The following RBFOX1 variants were observed in gnomAD, a reference collection of about 807,000 sequenced individuals.
RBFOX1 encodes RNA binding fox-1 homolog 1.
Under a neutral mutation model 57.7 loss-of-function variants are expected in RBFOX1, and 8 were observed. The ratio of observed to expected loss-of-function variants is 0.14; its 90% confidence interval spans 0.08 to 0.25. The LOEUF is 0.25. Ranked by LOEUF, RBFOX1 falls within the 10% of genes least tolerant of loss-of-function variation. The pLI is 1.00. For synonymous variants in RBFOX1, 326 were observed against 222.4 expected (o/e 1.47, Z -4.15); for missense variants, 611 against 548.5 (o/e 1.11, Z -1.14).
At chr16:6,834,273 A>G (rs1388245614) in intron 3 of RBFOX1, among the ~76,000 whole-genome samples, 1 of 151,930 alleles carries the variant, frequency 6.6e-6, no homozygotes, top group African/African-American at 2.4e-5. Context: ...TGGGGGTTTC[A>G]CCACGTTGGC....
At chr16:7,629,413 T>A (rs1176070794) in intron 10 of RBFOX1, among the ~76,000 whole-genome samples, 1 of 152,124 alleles carries the variant, frequency 6.6e-6, no homozygotes, top group East Asian at 1.9e-4. Flanking sequence ...GTTCTGCGGG[T>A]GCACTTGTAA....
At chr16:6,507,418 C>T (rs182454729) in intron 2 of RBFOX1, among the ~76,000 whole-genome samples, 1 of 144,952 alleles carries the variant, frequency 6.9e-6, no homozygotes, top group Non-Finnish European at 1.5e-5. Context: ...TGCCTGTAAT[C>T]CCAACACTTT....
At chr16:6,889,258 C>T (rs190562779) in intron 3 of RBFOX1, among the ~76,000 whole-genome samples, 13 of 152,302 alleles carry the variant, frequency 8.5e-5, no homozygotes, top group South Asian at 8.3e-4. Context: ...TTCTTGCCCC[C>T]GTTAGCCCCA....
intron 2 of RBFOX1, among the ~76,000 whole-genome samples, chr16:6,396,251 G>C (rs1160287308): frequency 1.3e-5 from 2 of 152,004 alleles, no homozygotes; most frequent in African/African-American, 4.8e-5. Flanking sequence ...AAGGGGCTTT[G>C]ACCCTGGAAA....
At chr16:7,594,159 T>C (rs989226462) in intron 7 of RBFOX1, among the ~76,000 whole-genome samples, 2 of 151,728 alleles carry the variant, frequency 1.3e-5, no homozygotes, top group Non-Finnish European at 2.9e-5. Context: ...TGGTGTGTGA[T>C]GTTCCCCGCC....
chr16:6,181,634 G>A (rs1014575116), intron 1 of RBFOX1, among the ~76,000 whole-genome samples: 2 of 152,126 alleles, frequency 1.3e-5, no homozygotes, highest in East Asian at 1.9e-4. Flanking sequence ...TGGTGGGGGG[G>A]AGGAGGGTCC....
intron 4 of RBFOX1, among the ~76,000 whole-genome samples, chr16:7,254,534 A>G (rs2094603645): frequency 6.6e-6 from 1 of 150,786 alleles, no homozygotes; most frequent in South Asian, 2.1e-4. Flanking sequence ...TTTAGGTGTT[A>G]TTTTATTATT....
intron 5 of RBFOX1, among the ~76,000 whole-genome samples, chr16:7,537,880 G>A (rs777736301): frequency 6.6e-6 from 1 of 152,204 alleles, no homozygotes. Flanking sequence ...TAATGCATGA[G>A]GGGAAATCCG....
At chr16:5,263,357 C>G (rs1309072405) in intron 1 of RBFOX1, among the ~76,000 whole-genome samples, 1 of 152,072 alleles carries the variant, frequency 6.6e-6, no homozygotes, top group East Asian at 1.9e-4. Flanking sequence ...GCGATGCAAA[C>G]TTCAGAGCTG....
intron 2 of RBFOX1, among the ~76,000 whole-genome samples, chr16:6,637,382 A>AAT (rs374673352): frequency 0.012 from 155 of 12,496 alleles, 29 homozygotes; most frequent in East Asian, 0.026. Context: ...ATAATATACA[A>AAT]ATATATATTA....
At chr16:5,749,219 T>G (rs1297038278) in intron 3 of RBFOX1, among the ~76,000 whole-genome samples, 6 of 152,230 alleles carry the variant, frequency 3.9e-5, no homozygotes, top group Non-Finnish European at 8.8e-5. Context: ...TTGTAGAGTT[T>G]CTGCCGAGAG....
At chr16:7,481,476 T>C in intron 4 of RBFOX1, among the ~76,000 whole-genome samples, 1 of 152,208 alleles carries the variant, frequency 6.6e-6, no homozygotes, top group Non-Finnish European at 1.5e-5. Flanking sequence ...CAAATTACTC[T>C]CTTTTGGTGA....
At chr16:6,550,551 C>G (rs2096971569) in intron 2 of RBFOX1, among the ~76,000 whole-genome samples, 1 of 152,122 alleles carries the variant, frequency 6.6e-6, no homozygotes, top group Non-Finnish European at 1.5e-5. Context: ...GTGTTGGACT[C>G]CTGACCTCAA....
chr16:7,247,295 C>G (rs1454014027), intron 4 of RBFOX1, among the ~76,000 whole-genome samples: 1 of 152,130 alleles, frequency 6.6e-6, no homozygotes, highest in African/African-American at 2.4e-5. Context: ...GGTTAACATT[C>G]CTTAACCAAA....
intron 2 of RBFOX1, among the ~76,000 whole-genome samples, chr16:6,592,791 G>C (rs12922602): frequency 0.35 from 52,745 of 152,018 alleles, 10,904 homozygotes; most frequent in Middle Eastern, 0.5. Flanking sequence ...GTAGGCAAAT[G>C]TTCCCTGGAC....
intron 3 of RBFOX1, among the ~76,000 whole-genome samples, chr16:6,945,414 A>G (rs1272193782): frequency 1.4e-5 from 2 of 147,500 alleles, no homozygotes; most frequent in Non-Finnish European, 3.1e-5. Flanking sequence ...GCCATGCAGG[A>G]ATGTAGATCC....
chr16:6,646,163 G>A (rs188650182), intron 2 of RBFOX1, among the ~76,000 whole-genome samples: 1 of 152,194 alleles, frequency 6.6e-6, no homozygotes, highest in Non-Finnish European at 1.5e-5. Context: ...CTTACTTGAC[G>A]AGTCTGGTTC....
intron 14 of RBFOX1, among the ~76,000 whole-genome samples, chr16:7,700,109 G>A (rs2080177053): frequency 6.6e-6 from 1 of 152,006 alleles, no homozygotes; most frequent in Non-Finnish European, 1.5e-5. Context: ...TTGCTTTGAG[G>A]ATGGGAGATG....
At chr16:6,497,519 T>C (rs887106549) in intron 2 of RBFOX1, among the ~76,000 whole-genome samples, 1 of 151,530 alleles carries the variant, frequency 6.6e-6, no homozygotes, top group African/African-American at 2.4e-5. Context: ...ACATGTGGAA[T>C]AACCTCCAGT....
Sources: gnomAD v4.1 joint callset for allele counts (sites outside exome capture counted in the v4.1 genomes callset) on GRCh38, gnomAD v4.1.1 for gene constraint, MANE v1.5 for transcripts, NCBI Gene and HGNC (gene_info 2026-07-23, HGNC 2026-07-21) for gene names.